PINX1: variants seen among roughly 807,000 people sequenced by gnomAD.
PINX1 encodes the protein PIN2 (TERF1) interacting telomerase inhibitor 1, also known as PIN2/TERF1-interacting telomerase inhibitor 1.
PINX1 carries 34 observed loss-of-function variants against 25.4 expected under a neutral mutation model. The ratio of observed to expected loss-of-function variants is 1.34; its 90% CI spans 1.02 to 1.78. PINX1 has a LOEUF of 1.78. PINX1 is among the 40% of genes most tolerant of loss of function. The pLI is 0.00. For missense variants in PINX1, 592 were observed against 404.9 expected (o/e 1.46, Z -3.97); for synonymous variants, 197 against 147.7 (o/e 1.33, Z -2.42).
In PINX1 at chr8:10,765,257, G is replaced by A. The variant is rs931255849; in HGVS notation, c.*144C>T. On this transcript the variant is annotated 3_prime_UTR_variant, in exon 7 of 7. Coordinates refer to ENST00000314787, the MANE Select transcript of PINX1 (RefSeq NM_017884.6). ...GTAACTTGGGGGAAATGTGGCGAGA[G>A]GGCAGGACTCGGCAGCCCATGGGCA... 1.4e-5 allele frequency: 9 copies of A among 666,468 alleles called. No homozygotes were observed. In the African/African-American group the frequency reaches 1.6e-4, roughly 12 times the overall value. 41.3% of individuals were successfully genotyped at this position (666,468 alleles called of 1,614,324 possible). A position where few individuals can be genotyped will look rare whatever the true frequency, so the allele number is the denominator to read the frequency against.
intron 5 of PINX1, among the ~76,000 whole-genome samples, chr8:10,821,087 T>G (rs1586194742): frequency 6.6e-6 from 1 of 152,350 alleles, no homozygotes; most frequent in East Asian, 1.9e-4. Flanking sequence ...GGTAAATGCA[T>G]TTTAAAATGT....
At chr8:10,785,774 T>C (rs1033366992) in intron 6 of PINX1, among the ~76,000 whole-genome samples, 10 of 152,378 alleles carry the variant, frequency 6.6e-5, no homozygotes, top group African/African-American at 1.9e-4. Flanking sequence ...TGCTTGTGTA[T>C]GTATACCAAC....
chr8:10,804,853 A>G (rs1480291032), intron 6 of PINX1, among the ~76,000 whole-genome samples: 1 of 152,056 alleles, frequency 6.6e-6, no homozygotes, highest in East Asian at 1.9e-4. Flanking sequence ...TTTGTCCCCC[A>G]CAACCCTGGG....
intron 6 of PINX1, among the ~76,000 whole-genome samples, chr8:10,771,917 C>G (rs915523037): frequency 3.9e-5 from 6 of 152,228 alleles, no homozygotes; most frequent in African/African-American, 1.4e-4. Flanking sequence ...CAGTTCCTTC[C>G]TGGCCCTTAG....
intron 4 of PINX1, among the ~76,000 whole-genome samples, chr8:10,828,936 G>C (rs1019651612): frequency 6.6e-6 from 1 of 152,170 alleles, no homozygotes; most frequent in Non-Finnish European, 1.5e-5. Flanking sequence ...AAAGAGATGT[G>C]TTTAATAAGC....
intron 6 of PINX1, among the ~76,000 whole-genome samples, chr8:10,769,919 T>C (rs1020107904): frequency 6.6e-6 from 1 of 152,106 alleles, no homozygotes; most frequent in Non-Finnish European, 1.5e-5. Context: ...GAGACTAAGG[T>C]CTACACTCAC....
At chr8:10,792,467 G>A (rs985980227) in intron 6 of PINX1, among the ~76,000 whole-genome samples, 2 of 152,022 alleles carry the variant, frequency 1.3e-5, no homozygotes. Context: ...CCCCCGTGAC[G>A]CTGTGCGCTC....
intron 6 of PINX1, among the ~76,000 whole-genome samples, chr8:10,796,534 C>G (rs551555735): frequency 2.3e-3 from 353 of 152,288 alleles, no homozygotes; most frequent in African/African-American, 7.8e-3. Flanking sequence ...TTCCGGGCTG[C>G]TGTTCTCTTT....
At chr8:10,804,947 G>A (rs1017170395) in intron 6 of PINX1, among the ~76,000 whole-genome samples, 1 of 151,988 alleles carries the variant, frequency 6.6e-6, no homozygotes, top group African/African-American at 2.4e-5. Flanking sequence ...GGACCCCCGA[G>A]AAGACTTGGT....
At chr8:10,839,464 T>C (rs1798502572) in intron 1 of PINX1, among the ~76,000 whole-genome samples, 1 of 151,996 alleles carries the variant, frequency 6.6e-6, no homozygotes. Flanking sequence ...CGGGACCCGG[T>C]GTTCTGACCC....
intron 6 of PINX1, among the ~76,000 whole-genome samples, chr8:10,790,663 G>T (rs1801895180): frequency 6.6e-6 from 1 of 152,144 alleles, no homozygotes; most frequent in African/African-American, 2.4e-5. Context: ...TCAGGCTGAG[G>T]CTCAGGCTCG....
At chr8:10,798,560 C>G (rs190223809) in intron 6 of PINX1, among the ~76,000 whole-genome samples, 1 of 152,122 alleles carries the variant, frequency 6.6e-6, no homozygotes, top group African/African-American at 2.4e-5. Context: ...GCCAGGACTC[C>G]TGGGGAAAAA....
chr8:10,837,226 G>A (rs1040084926), intron 1 of PINX1, among the ~76,000 whole-genome samples: 9 of 152,218 alleles, frequency 5.9e-5, no homozygotes, highest in Admixed American at 4.6e-4. Flanking sequence ...ATGTGACCAG[G>A]CCCCAGGAAA....
At position 10,765,074 on chromosome 8, in the gene PINX1, A is replaced by C; in HGVS notation, c.*327T>G. 2 of 258,306 alleles carry C rather than the reference A, an allele frequency of 7.7e-6. No individual in the cohort carries two copies. The highest frequency in any genetic ancestry group is 7.3e-6 in the Non-Finnish European group (1 of 136,762). 16.0% of individuals were successfully genotyped at this position (258,306 alleles called of 1,614,324 possible). A position where few individuals can be genotyped will look rare whatever the true frequency, so the allele number is the denominator to read the frequency against. On this transcript the variant is annotated 3_prime_UTR_variant, in exon 7 of 7. Coordinates refer to ENST00000314787, the MANE Select transcript of PINX1 (RefSeq NM_017884.6). ...TAGTGACACACACACACACACACAG[A>C]TGCGCACATGCACACACACGTGTGC...
chr8:10,804,446 G>C (rs1344218994), intron 6 of PINX1, among the ~76,000 whole-genome samples: 1 of 152,174 alleles, frequency 6.6e-6, no homozygotes, highest in Non-Finnish European at 1.5e-5. Flanking sequence ...CGGCATCAGG[G>C]AAGCAGATTA....
intron 6 of PINX1, among the ~76,000 whole-genome samples, chr8:10,783,858 A>G (rs1801667379): frequency 6.6e-6 from 1 of 152,232 alleles, no homozygotes; most frequent in African/African-American, 2.4e-5. Flanking sequence ...GTGTAAAGAC[A>G]CTGAGTCAAT....
chr8:10,836,079 C>T (rs1358444403), intron 1 of PINX1, among the ~76,000 whole-genome samples: 1 of 152,096 alleles, frequency 6.6e-6, no homozygotes, highest in Non-Finnish European at 1.5e-5. Flanking sequence ...CAACACAACC[C>T]CTCCTACCTT....
intron 6 of PINX1, among the ~76,000 whole-genome samples, chr8:10,776,188 G>A (rs1016763665): frequency 6.6e-6 from 1 of 152,242 alleles, no homozygotes; most frequent in South Asian, 2.1e-4. Flanking sequence ...CACTTTGGGA[G>A]GCCGAGGCAG....
At chr8:10,816,254 C>T (rs966865705) in intron 6 of PINX1, among the ~76,000 whole-genome samples, 19 of 152,174 alleles carry the variant, frequency 1.2e-4, no homozygotes, top group Non-Finnish European at 2.6e-4. Context: ...ACTGTAGTTA[C>T]GTAAGATGTA....
Sources: allele counts gnomAD v4.1 joint callset (sites outside exome capture counted in the v4.1 genomes callset), GRCh38; gene constraint gnomAD v4.1.1; transcripts MANE v1.5; gene names NCBI Gene and HGNC (gene_info 2026-07-23, HGNC 2026-07-21).